The following HTR7 variants were observed in gnomAD, a reference collection of about 807,000 sequenced individuals.
HTR7 encodes the protein 5-hydroxytryptamine receptor 7, also known as 5-HT-7.
In HTR7, 16 loss-of-function variants were observed where a neutral mutation model predicts 34.0. The ratio of observed to expected loss-of-function variants is 0.47; its 90% CI spans 0.32 to 0.71. HTR7 has a LOEUF of 0.71. Ranked by LOEUF, HTR7 falls within the 30% of genes least tolerant of loss-of-function variation. The pLI is 0.04. For synonymous variants in HTR7, 265 were observed against 260.2 expected (o/e 1.02, Z -0.18); for missense variants, 504 against 625.5 (o/e 0.81, Z 2.07).
chr10:90,767,334 T>G (rs759798662), intron 1 of HTR7, among the ~76,000 whole-genome samples: 1 of 152,228 alleles, frequency 6.6e-6, no homozygotes, highest in Non-Finnish European at 1.5e-5. Context: ...TATATAAATC[T>G]CTTCATGAAC....
intron 1 of HTR7, among the ~76,000 whole-genome samples, chr10:90,759,860 C>G (rs1187723731): frequency 6.6e-6 from 1 of 152,140 alleles, no homozygotes; most frequent in Non-Finnish European, 1.5e-5. Flanking sequence ...ATCAATTCAA[C>G]TTTCAAAGTA....
chr10:90,785,997 T>A (rs1259214436), intron 1 of HTR7, among the ~76,000 whole-genome samples: 1 of 152,240 alleles, frequency 6.6e-6, no homozygotes, highest in Non-Finnish European at 1.5e-5. Flanking sequence ...GGATGTGGCC[T>A]TTCTACAAGG....
Position 90,749,269 on chromosome 10 carries a change from G to C in HTR7, c.865C>G (p.Leu289Val). 6.2e-7 allele frequency: 1 copy of C among 1,614,146 alleles called. No individual in the cohort carries two copies. The highest frequency in any genetic ancestry group is 8.5e-7 in the Non-Finnish European group (1 of 1,180,022). ...TTCTGGAGCTTCACTATGCCATTCA[G>C]GGCGATGACGCTGTCTGGCTCCACT... ...PRVEPDSVIA[L>V]NGIVKLQKEV... The change falls in exon 2 of 4, where the codon CTG becomes GTG. Residue 289 changes from leucine (L) to valine (V), a missense_variant. Around this residue, in one of 4 missense-constraint regions of HTR7, gnomAD observed 57 missense variants for 47.5 expected, o/e 1.20. Transcript: ENST00000336152. This position sits in a 1 kb window ranked among gnomAD's most constrained non-coding sequence, Gnocchi z 4.2.
At chr10:90,812,588 T>C (rs950582489) in intron 1 of HTR7, among the ~76,000 whole-genome samples, 60 of 152,274 alleles carry the variant, frequency 3.9e-4, no homozygotes, top group African/African-American at 1.4e-3. Flanking sequence ...ATACAACAAA[T>C]GTTTCTTCTA....
intron 2 of HTR7, among the ~76,000 whole-genome samples, chr10:90,747,775 G>A (rs1290540021): frequency 1.3e-5 from 2 of 152,158 alleles, no homozygotes; most frequent in African/African-American, 2.4e-5. Flanking sequence ...AGTGAAGAAC[G>A]ACACCTCCAA....
intron 1 of HTR7, among the ~76,000 whole-genome samples, chr10:90,818,361 C>T (rs931920206): frequency 1.3e-5 from 2 of 152,162 alleles, no homozygotes; most frequent in Non-Finnish European, 2.9e-5. Flanking sequence ...GCCTGGCCAA[C>T]ATGGTGAAAT....
intron 1 of HTR7, among the ~76,000 whole-genome samples, chr10:90,795,206 A>G (rs986176398): frequency 3.9e-5 from 6 of 152,124 alleles, no homozygotes; most frequent in African/African-American, 1.4e-4. Flanking sequence ...TGGTAGTTCT[A>G]TTTTTAATTT....
At chr10:90,744,353 G>A (rs1164903691) in intron 2 of HTR7, among the ~76,000 whole-genome samples, 1 of 150,818 alleles carries the variant, frequency 6.6e-6, no homozygotes, top group Non-Finnish European at 1.5e-5. Flanking sequence ...TTTGTACATA[G>A]CAGACCCTCA....
intron 1 of HTR7, among the ~76,000 whole-genome samples, chr10:90,831,382 C>T (rs1846172788): frequency 6.6e-6 from 1 of 151,356 alleles, no homozygotes; most frequent in Non-Finnish European, 1.5e-5. Flanking sequence ...ACAGCTCAAG[C>T]CGGCACATCT....
chr10:90,766,692 A>G lies in HTR7; in HGVS notation c.540-17098T>C, dbSNP rs142244202. 2.6e-5 allele frequency among the ~76,000 whole-genome samples: 4 copies of G among 152,206 alleles called. No homozygotes were observed. The East Asian group carries it at 7.7e-4, about 29-fold the overall frequency. ...TTTCTTTTCTCTTTATCTTGTGTGTATCTACTACAGGTCTTTCCTTTGTGT... is the reference window on the plus strand; with the variant it reads ...TTTCTTTTCTCTTTATCTTGTGTGTGTCTACTACAGGTCTTTCCTTTGTGT... On this transcript the variant is annotated intron_variant, in intron 1 of 3. Transcript: ENST00000336152.
intron 1 of HTR7, among the ~76,000 whole-genome samples, chr10:90,825,261 G>A (rs879737551): frequency 6.6e-6 from 1 of 152,024 alleles, no homozygotes; most frequent in East Asian, 2.0e-4. Context: ...GTACCTCTAT[G>A]AGTCTGCAGG....
intron 1 of HTR7, among the ~76,000 whole-genome samples, chr10:90,811,154 G>T (rs144498252): frequency 0.016 from 2,397 of 152,220 alleles, 77 homozygotes; most frequent in African/African-American, 0.054. Flanking sequence ...GAGCTGAAGT[G>T]CAGGGCTGTG....
At chr10:90,852,848 T>C (rs535363386) in intron 1 of HTR7, among the ~76,000 whole-genome samples, 8 of 152,274 alleles carry the variant, frequency 5.3e-5, no homozygotes, top group African/African-American at 1.9e-4. Flanking sequence ...TTGCAAGCAA[T>C]AGAAACTAGA....
intron 1 of HTR7, among the ~76,000 whole-genome samples, chr10:90,753,744 T>C (rs113683610): frequency 9.4e-4 from 143 of 152,092 alleles, no homozygotes; most frequent in African/African-American, 3.3e-3. Flanking sequence ...TATATATATA[T>C]ACTGTATATA....
At chr10:90,846,408 G>A (rs1564701966) in intron 1 of HTR7, among the ~76,000 whole-genome samples, 1 of 152,154 alleles carries the variant, frequency 6.6e-6, no homozygotes, top group Non-Finnish European at 1.5e-5. Context: ...TAGCAGTTGA[G>A]ATTAAGTTCA....
intron 1 of HTR7, among the ~76,000 whole-genome samples, chr10:90,757,595 A>G (rs1438482660): frequency 2.0e-5 from 3 of 152,212 alleles, no homozygotes; most frequent in African/African-American, 7.2e-5. Context: ...TGAAAAGTAG[A>G]TGCACTAAAT....
chr10:90,823,250 G>A (rs567296455), intron 1 of HTR7, among the ~76,000 whole-genome samples: 1 of 152,190 alleles, frequency 6.6e-6, no homozygotes, highest in African/African-American at 2.4e-5. Context: ...AGCCGAGGGG[G>A]CTATACCCTG....
intron 1 of HTR7, among the ~76,000 whole-genome samples, chr10:90,778,625 G>A (rs1003599264): frequency 1.3e-5 from 2 of 152,280 alleles, no homozygotes; most frequent in Admixed American, 6.5e-5. Flanking sequence ...TGTACTAAAC[G>A]AAAAGTCCCA....
intron 1 of HTR7, among the ~76,000 whole-genome samples, chr10:90,841,464 C>G (rs888406424): frequency 1.3e-5 from 2 of 152,164 alleles, no homozygotes; most frequent in Non-Finnish European, 2.9e-5. Flanking sequence ...TTTCTGGAGA[C>G]TCTAGAGAGG....
Sources: gnomAD v4.1 joint callset for allele counts (sites outside exome capture counted in the v4.1 genomes callset) on GRCh38, gnomAD v4.1.1 for gene constraint, gnomAD v4.1.1 regional missense constraint, Gnocchi (gnomAD v3.1) non-coding constraint, MANE v1.5 for transcripts, NCBI Gene and HGNC (gene_info 2026-07-23, HGNC 2026-07-21) for gene names.